Variants in C10orf67 observed in about 807,000 individuals in gnomAD.
C10orf67 encodes the protein uncharacterized protein C10orf67, mitochondrial.
A neutral mutation model predicts 35.6 loss-of-function variants in C10orf67; 60 were observed. The observed-to-expected ratio is 1.68, with a 90% confidence interval of 1.37 to 2.09. The LOEUF (loss-of-function observed/expected upper bound fraction) is 2.09, where lower values mean the gene tolerates loss of function less well. Among genes scored for constraint, C10orf67 ranks in the 30% most tolerant of loss-of-function variants. The pLI, the probability that C10orf67 is intolerant of heterozygous loss-of-function variation, is 0.00. For missense variants in C10orf67, 474 were observed against 330.2 expected (o/e 1.44, Z -3.38); for synonymous variants, 167 against 115.8 (o/e 1.44, Z -2.84).
chr10:23,268,826 C>T (rs1842948109), intron 8 of C10orf67, among the ~76,000 whole-genome samples: 5 of 152,212 alleles, frequency 3.3e-5, no homozygotes. Context: ...GGCCACAAAC[C>T]TGAACAGCAT....
At chr10:23,226,084 C>T (rs1305041241) in intron 13 of C10orf67, among the ~76,000 whole-genome samples, 3 of 152,136 alleles carry the variant, frequency 2.0e-5, no homozygotes, top group African/African-American at 4.8e-5. Flanking sequence ...CTGCACCAAG[C>T]AGACCTAATA....
intron 8 of C10orf67, among the ~76,000 whole-genome samples, chr10:23,268,083 T>C (rs1473495130): frequency 6.6e-6 from 1 of 151,716 alleles, no homozygotes; most frequent in East Asian, 1.9e-4. Context: ...AAGCCAGGAG[T>C]TCAAGACCAG....
intron 10 of C10orf67, among the ~76,000 whole-genome samples, chr10:23,261,198 G>C (rs1314748392): frequency 1.3e-5 from 2 of 152,148 alleles, no homozygotes; most frequent in African/African-American, 2.4e-5. Context: ...GGGGAGTCTA[G>C]TTAATACAAG....
At chr10:23,269,439 T>C (rs1281218739) in intron 8 of C10orf67, among the ~76,000 whole-genome samples, 1 of 151,938 alleles carries the variant, frequency 6.6e-6, no homozygotes, top group African/African-American at 2.4e-5. Flanking sequence ...AATTCTAAAA[T>C]ATTAAAAGTA....
intron 2 of C10orf67, among the ~76,000 whole-genome samples, chr10:23,325,546 A>C (rs4489645): frequency 0.44 from 63,024 of 142,920 alleles, 14,336 homozygotes; most frequent in African/African-American, 0.53. Context: ...AAAAAAAAAA[A>C]CAAAAAACAA....
chr10:23,256,155 C>G (rs1046897355), intron 10 of C10orf67, among the ~76,000 whole-genome samples: 1 of 152,090 alleles, frequency 6.6e-6, no homozygotes, highest in Non-Finnish European at 1.5e-5. Context: ...CTGTGCACCA[C>G]CATGCCTGGC....
chr10:23,321,771 G>C (rs1440792030), intron 3 of C10orf67, among the ~76,000 whole-genome samples: 1 of 152,136 alleles, frequency 6.6e-6, no homozygotes, highest in Non-Finnish European at 1.5e-5. Flanking sequence ...AGAAATAATA[G>C]TAATGTCCGT....
intron 3 of C10orf67, 107 bp from the exon 4 acceptor site, chr10:23,320,922 A>C (rs1477587367): frequency 1.4e-6 from 1 of 724,934 alleles, no homozygotes; most frequent in South Asian, 2.0e-5. Flanking sequence ...AATCATCACA[A>C]TCTATTGAAA....
chr10:23,227,042 A>G (rs561089599), intron 13 of C10orf67, among the ~76,000 whole-genome samples: 1 of 152,336 alleles, frequency 6.6e-6, no homozygotes, highest in African/African-American at 2.4e-5. Flanking sequence ...TCCTTCTGAA[A>G]CTATTCCAAT....
At chr10:23,318,610 C>A in intron 4 of C10orf67, 1 of 330,978 alleles carries the variant, frequency 3.0e-6, no homozygotes, top group Non-Finnish European at 5.5e-6. Flanking sequence ...AGAAACATTG[C>A]ACAAGAGCAG....
chr10:23,234,795 A>T (rs890031221), intron 13 of C10orf67, among the ~76,000 whole-genome samples: 4 of 151,868 alleles, frequency 2.6e-5, no homozygotes, highest in African/African-American at 9.7e-5. Flanking sequence ...CAGGCAGATC[A>T]TGAGGTCAAG....
intron 12 of C10orf67, 108 bp from the exon 13 acceptor site, chr10:23,239,924 A>G: frequency 2.2e-6 from 1 of 457,996 alleles, no homozygotes; most frequent in Non-Finnish European, 4.0e-6. Context: ...TTAAAATATT[A>G]CCAAATAAAA....
intron 10 of C10orf67, among the ~76,000 whole-genome samples, chr10:23,258,861 T>G (rs1295269101): frequency 6.6e-6 from 1 of 152,378 alleles, no homozygotes; most frequent in African/African-American, 2.4e-5. Context: ...TGGAATGTGT[T>G]GCCTTCACCA....
downstream of C10orf67, chr10:23,202,048 G>A (rs1841045670): frequency 6.6e-6 from 1 of 152,170 alleles, no homozygotes; most frequent in Admixed American, 6.5e-5. Context: ...TCTTTCAATG[G>A]TGTTGTAAGT....
intron 12 of C10orf67, among the ~76,000 whole-genome samples, chr10:23,247,814 A>G (rs1477023608): frequency 6.6e-6 from 1 of 152,230 alleles, no homozygotes; most frequent in African/African-American, 2.4e-5. Flanking sequence ...AATTGGGAAG[A>G]GAGGTGACAG....
chr10:23,323,894 AATATATATATATATATATATATAT>A lies in C10orf67; in HGVS notation c.328-1381_328-1358del, dbSNP rs137983793. Among the ~76,000 whole-genome samples, 189 of 42,802 alleles carry A rather than the reference AATATATATATATATATATATATAT, an allele frequency of 4.4e-3. 9 individuals carry two copies. Among genetic ancestry groups the A allele is most frequent in the Middle Eastern group, 0.01 (1 of 100 alleles). The allele number at this position is 42,802 out of a possible 152,430, so 28.1% of individuals were successfully genotyped here. A position where few individuals can be genotyped will look rare whatever the true frequency, so the allele number is the denominator to read the frequency against. ...GGGCAGCAGAGCAAGACTCCGTCTA[AATATATATATATATATATATATAT>A]ATATATATATATATATATATATATA... On this transcript the variant is annotated intron_variant, in intron 2 of 15. Coordinates refer to ENST00000636213, the MANE Select transcript of C10orf67 (RefSeq NM_001371909.1).
chr10:23,314,027 A>T (rs1310651500), intron 4 of C10orf67, among the ~76,000 whole-genome samples: 1 of 152,168 alleles, frequency 6.6e-6, no homozygotes, highest in Admixed American at 6.5e-5. Flanking sequence ...AGGAGGTAAA[A>T]AAACTGGCAG....
chr10:23,315,427 T>G (rs1354421153), intron 4 of C10orf67, among the ~76,000 whole-genome samples: 1 of 152,196 alleles, frequency 6.6e-6, no homozygotes, highest in Non-Finnish European at 1.5e-5. Context: ...CATGTGTTTT[T>G]TGTTTTTTGT....
chr10:23,278,957 T>G (rs1475407357), intron 8 of C10orf67, among the ~76,000 whole-genome samples: 2 of 152,190 alleles, frequency 1.3e-5, no homozygotes, highest in African/African-American at 4.8e-5. Flanking sequence ...TTTGACTTCC[T>G]AAGTGGATTG....
Sources: gnomAD v4.1 joint callset for allele counts (sites outside exome capture counted in the v4.1 genomes callset) on GRCh38, gnomAD v4.1.1 for gene constraint, MANE v1.5 for transcripts, NCBI Gene and HGNC (gene_info 2026-07-23, HGNC 2026-07-21) for gene names.